Variants in PPRC1 observed in about 807,000 individuals in gnomAD.
PPRC1 encodes the protein PPARG related coactivator 1.
PPRC1 carries 23 observed loss-of-function variants against 132.5 expected under a neutral mutation model. The ratio of observed to expected loss-of-function variants is 0.17; its 90% confidence interval spans 0.12 to 0.25. PPRC1 has a LOEUF of 0.25. Among genes scored for constraint, PPRC1 ranks in the 10% least tolerant of loss-of-function variants. PPRC1 has a pLI of 1.00. For missense variants in PPRC1, 2,006 were observed against 2,089.1 expected (o/e 0.96, Z 0.78); for synonymous variants, 872 against 833.5 (o/e 1.05, Z -0.80).
chr10:102,123,826 G>A, the PPRC1 span, among the ~76,000 whole-genome samples: 1 of 136,798 alleles, frequency 7.3e-6, no homozygotes, highest in Non-Finnish European at 1.6e-5. Context: ...GAGCCACCAC[G>A]CCCGGCCTTT....
chr10:102,150,152 A>C lies in PPRC1; in HGVS notation c.*123A>C. ...GACTGTTTTATAAAGAAATGGAAAA[A>C]AGTGAAATAAAAAATATGTTGAATC... is the stretch of plus-strand genomic sequence containing the variant. On this transcript the variant is annotated 3_prime_UTR_variant, in exon 14 of 14. Transcript: ENST00000278070. The C allele has an allele frequency of 1.5e-6, 1 of 676,728 alleles. No individual in the cohort carries two copies. The highest frequency in any genetic ancestry group is 2.9e-5 in the Admixed American group (1 of 34,836). 41.9% of individuals were successfully genotyped at this position (676,728 alleles called of 1,614,324 possible).
intron 1 of PPRC1, among the ~76,000 whole-genome samples, chr10:102,136,325 T>G: frequency 6.7e-6 from 1 of 148,466 alleles, no homozygotes; most frequent in Admixed American, 6.7e-5. Flanking sequence ...GTGTGGGGGG[T>G]GGGGGTGTGG....
rs776338810 is a variant in PPRC1, at chr10:102,140,882, A to C, written c.2374A>C (p.Ile792Leu). ...AGAGACTCCCACAGGGCTGGCAGAC[A>C]TCCCTTGTCTTGTCATCCCACCAGC... ...LPETPTGLAD[I>L]PCLVIPPAPA... Residue 792 changes from isoleucine (I) to leucine (L), a missense_variant, in exon 5 of 14, where the codon ATC (isoleucine) becomes CTC (leucine). Physicochemically the swap from Ile to Leu is conservative, Grantham distance 5. This residue lies in a region of PPRC1 where 1,914 missense variants were observed against 1,917.2 expected (regional missense o/e 1.00). Coordinates refer to ENST00000278070, the MANE Select transcript of PPRC1 (RefSeq NM_015062.5). The C allele has an allele frequency of 2.7e-5, 43 of 1,614,044 alleles. No individual in the cohort carries two copies. Among genetic ancestry groups the C allele is most frequent in the Admixed American group, 1.0e-4 (6 of 60,016 alleles).
In PPRC1 at chr10:102,140,440, T is replaced by C; in HGVS notation, c.1932T>C (p.Pro644=). 1 of 1,614,186 alleles carries C rather than the reference T, an allele frequency of 6.2e-7. No individual in the cohort carries two copies. The highest frequency in any genetic ancestry group is 8.5e-7 in the Non-Finnish European group (1 of 1,180,030). ...PVLADSAAVD[P]AVVPISDNLP... Reference sequence around the variant, plus strand: ...TGGCTGACTCAGCAGCAGTTGACCCTGCAGTGGTTCCCATCTCAGATAACT... The same window carrying C: ...TGGCTGACTCAGCAGCAGTTGACCCCGCAGTGGTTCCCATCTCAGATAACT... Residue 644 remains proline, a synonymous_variant, in exon 5 of 14, where the codon CCT becomes CCC. Transcript: ENST00000278070.
In PPRC1 at chr10:102,138,731, C is replaced by T. The variant is rs1017509149; in HGVS notation, c.455C>T (p.Ser152Leu). 1.2e-5 allele frequency: 19 copies of T among 1,614,044 alleles called. No individual in the cohort carries two copies. The highest frequency in any genetic ancestry group is 5.0e-5 in the Admixed American group (3 of 60,004). Residue 152 changes from serine to leucine, a missense_variant, in exon 3 of 14, where the codon TCG (serine) becomes TTG (leucine). By Grantham distance (145) the Ser-to-Leu change is moderately radical. Around this residue, in one of 2 missense-constraint regions of PPRC1, gnomAD observed 1,914 missense variants for 1,917.2 expected, o/e 1.00. Transcript: ENST00000278070. ...TCTCCATTTGACAGCATTCCTGATTCGGAGCTGCTTGTGTCACCCCGGGAG... is the reference window on the plus strand; with the variant it reads ...TCTCCATTTGACAGCATTCCTGATTTGGAGCTGCTTGTGTCACCCCGGGAG... ...NLSPFDSIPD[S>L]ELLVSPREGS...
At chr10:102,142,895 C>T in intron 5 of PPRC1, 150 bp from the exon 6 acceptor site, 2 of 616,264 alleles carry the variant, frequency 3.2e-6, no homozygotes, top group Non-Finnish European at 5.5e-6. Flanking sequence ...GGTTTGAATC[C>T]TTCATGCTTT....
At chr10:102,144,351 A>C (rs758215153) in intron 7 of PPRC1, 44 bp downstream of exon 7, 4 of 1,584,386 alleles carry the variant, frequency 2.5e-6, no homozygotes, top group East Asian at 2.2e-5. Flanking sequence ...GCTGTTAGTC[A>C]GCAGCCGGCT....
intron 1 of PPRC1, among the ~76,000 whole-genome samples, chr10:102,136,528 G>A (rs985437574): frequency 2.0e-5 from 3 of 152,116 alleles, no homozygotes; most frequent in African/African-American, 7.2e-5. Flanking sequence ...AAAAATACAT[G>A]AGTACAGTAC....
Position 102,138,688 on chromosome 10 carries a change from G to T in PPRC1, c.412G>T (p.Ala138Ser). 1 of 1,614,212 alleles carries T rather than the reference G, an allele frequency of 6.2e-7. No individual in the cohort carries two copies. The highest frequency in any genetic ancestry group is 1.1e-5 in the South Asian group (1 of 91,088). Residue 138 changes from alanine (A) to serine (S), a missense_variant, in exon 3 of 14, where the codon GCA (alanine) becomes TCA (serine). Physicochemically the swap from Ala to Ser is moderately conservative, Grantham distance 99. Coordinates refer to ENST00000278070, the MANE Select transcript of PPRC1 (RefSeq NM_015062.5). ...LTALTEILDN[A>S]DSENLSPFDS... is the part of the protein sequence containing the mutation. ...GGCTCTGACGGAGATCTTGGACAAT[G>T]CAGATTCTGAGAACCTTTCTCCATT...
chr10:102,121,103 C>T, the PPRC1 span, among the ~76,000 whole-genome samples: 1 of 152,180 alleles, frequency 6.6e-6, no homozygotes, highest in Non-Finnish European at 1.5e-5. Flanking sequence ...GGGGTCCCCG[C>T]CCTCCTCCGC....
chr10:102,142,994 T>G (rs1461563707), intron 5 of PPRC1, 51 bp from the exon 6 acceptor site: 1 of 1,524,702 alleles, frequency 6.6e-7, no homozygotes, highest in East Asian at 2.3e-5. Context: ...GGGACCTGTG[T>G]ACTAAGTTGA....
chr10:102,120,528 T>C, the PPRC1 span: 19 of 291,854 alleles, frequency 6.5e-5, no homozygotes, highest in East Asian at 3.0e-3. Context: ...AATATGCTAA[T>C]TGTCCTGCTA....
the PPRC1 span, among the ~76,000 whole-genome samples, chr10:102,123,833 CTTTT>C: frequency 1.5e-5 from 1 of 68,304 alleles, no homozygotes; most frequent in Admixed American, 2.0e-4. Context: ...CACGCCCGGC[CTTTT>C]TTTTTTTTTT....
the PPRC1 span, among the ~76,000 whole-genome samples, chr10:102,125,961 C>A: frequency 2.4e-3 from 360 of 151,732 alleles, 1 homozygote; most frequent in Middle Eastern, 0.014. Flanking sequence ...CTCCCGGGTT[C>A]AAGCAATTCT....
Position 102,148,634 on chromosome 10 carries a change from C to T in PPRC1, c.4557C>T (p.Ser1519=), listed in dbSNP as rs1442725869. Reference sequence around the variant, plus strand: ...TGACACCCTCTTTTGTCAGGTACAGCTCTTATCGTTCACATGACCATTACC... The same window carrying T: ...TGACACCCTCTTTTGTCAGGTACAGTTCTTATCGTTCACATGACCATTACC... ...RRRSDRRRRY[S]SYRSHDHYQR... is the part of the protein sequence containing the mutation. The change falls in exon 11 of 14, where the codon AGC becomes AGT. Residue 1519 remains serine (S), a synonymous_variant. Coordinates refer to ENST00000278070, the MANE Select transcript of PPRC1 (RefSeq NM_015062.5). This position sits in a 1 kb window ranked among gnomAD's most constrained non-coding sequence, Gnocchi z 4.2. 1 of 1,614,040 alleles carries T rather than the reference C, an allele frequency of 6.2e-7. No homozygotes were observed. Among genetic ancestry groups the T allele is most frequent in the Non-Finnish European group, 8.5e-7 (1 of 1,180,038 alleles).
In PPRC1 at chr10:102,137,988, A is replaced by C; in HGVS notation, c.292A>C (p.Met98Leu). 1.9e-6 allele frequency: 3 copies of C among 1,614,122 alleles called. No homozygotes were observed. The highest frequency in any genetic ancestry group is 2.5e-6 in the Non-Finnish European group (3 of 1,180,008). ...ACTGCTGGGGACCATGCAGAGCTACATGGATGCCTCCCTTATCTCCCTCAT... is the reference window on the plus strand; with the variant it reads ...ACTGCTGGGGACCATGCAGAGCTACCTGGATGCCTCCCTTATCTCCCTCAT... ...ETLLGTMQSY[M>L]DASLISLIED... The change falls in exon 2 of 14, where the codon ATG becomes CTG. Residue 98 changes from methionine to leucine, a missense_variant. Around this residue, in one of 2 missense-constraint regions of PPRC1, gnomAD observed 1,914 missense variants for 1,917.2 expected, o/e 1.00. Transcript: ENST00000278070.
chr10:102,146,329 TG>T (rs2069243655), intron 8 of PPRC1, among the ~76,000 whole-genome samples: 1 of 152,088 alleles, frequency 6.6e-6, no homozygotes, highest in African/African-American at 2.4e-5. Flanking sequence ...AGATGATGAC[TG>T]CATGAGTGCA....
intron 1 of PPRC1, among the ~76,000 whole-genome samples, chr10:102,137,070 G>A (rs974255359): frequency 6.6e-5 from 10 of 152,196 alleles, no homozygotes; most frequent in South Asian, 2.1e-4. Flanking sequence ...CGGGCGTGGC[G>A]GCTCACGCCT....
chr10:102,133,252 C>T (rs1463184541), intron 1 of PPRC1, 31 bp downstream of exon 1: 1 of 1,264,738 alleles, frequency 7.9e-7, no homozygotes, highest in Non-Finnish European at 1.0e-6. Flanking sequence ...CCGCGACAGG[C>T]AGCAAAGCGG....
Sources: allele counts gnomAD v4.1 joint callset (sites outside exome capture counted in the v4.1 genomes callset), GRCh38; gene constraint gnomAD v4.1.1; regional missense constraint gnomAD v4.1.1; non-coding constraint Gnocchi (gnomAD v3.1); transcripts MANE v1.5; gene names NCBI Gene and HGNC (gene_info 2026-07-23, HGNC 2026-07-21).